GPC6: variants seen among roughly 807,000 people sequenced by gnomAD.
The protein encoded by GPC6 is glypican 6.
GPC6 carries 14 observed loss-of-function variants against 55.2 expected under a neutral mutation model. That is an observed-to-expected ratio of 0.25 (90% CI 0.17 to 0.40). GPC6 has a LOEUF of 0.40. GPC6 is among the 10% of genes least tolerant of loss of function. The pLI, the probability that GPC6 is intolerant of heterozygous loss-of-function variation, is 1.00. For synonymous variants in GPC6, 278 were observed against 259.6 expected (o/e 1.07, Z -0.68); for missense variants, 641 against 708.5 (o/e 0.90, Z 1.08).
intron 1 of GPC6, among the ~76,000 whole-genome samples, chr13:93,364,453 C>T (rs1035212790): frequency 6.6e-6 from 1 of 151,924 alleles, no homozygotes; most frequent in Non-Finnish European, 1.5e-5. Context: ...CATGAAGGAA[C>T]TGTCATGTGA....
intron 1 of GPC6, among the ~76,000 whole-genome samples, chr13:93,438,765 G>A (rs1372275083): frequency 6.6e-6 from 1 of 152,192 alleles, no homozygotes; most frequent in Non-Finnish European, 1.5e-5. Flanking sequence ...CAGCAGCAGG[G>A]TCTGAGAAGA....
At chr13:94,263,757 C>T (rs1594109405) in intron 4 of GPC6, among the ~76,000 whole-genome samples, 1 of 152,152 alleles carries the variant, frequency 6.6e-6, no homozygotes, top group South Asian at 2.1e-4. Context: ...AGTCAGTGTT[C>T]TAGGAAGTAT....
At chr13:94,193,302 A>G (rs1240103822) in intron 4 of GPC6, among the ~76,000 whole-genome samples, 1 of 152,060 alleles carries the variant, frequency 6.6e-6, no homozygotes, top group African/African-American at 2.4e-5. Context: ...GTCCAAAGTG[A>G]ATGTTACTTA....
chr13:93,670,985 G>T lies in GPC6; in HGVS notation c.319+125564G>T, dbSNP rs182810388. Among the ~76,000 whole-genome samples the T allele has an allele frequency of 2.6e-5, 4 of 152,200 alleles. No homozygotes were observed. The East Asian group carries it at 5.8e-4, about 22-fold the overall frequency. On this transcript the variant is annotated intron_variant, in intron 2 of 8. Coordinates refer to ENST00000377047, the MANE Select transcript of GPC6 (RefSeq NM_005708.5). Reference sequence around the variant, plus strand: ...GCCTTGGCTTCTTCCTTTTGGTCTTGCTCCCTTTCCATTCATTTTCACACT... The same window carrying T: ...GCCTTGGCTTCTTCCTTTTGGTCTTTCTCCCTTTCCATTCATTTTCACACT...
chr13:94,130,107 T>A (rs527732971), intron 4 of GPC6, among the ~76,000 whole-genome samples: 36 of 152,308 alleles, frequency 2.4e-4, no homozygotes, highest in African/African-American at 8.7e-4. Flanking sequence ...ATGTTTAGGA[T>A]CTGTTGGACT....
chr13:94,119,364 A>AG (rs1259073397), intron 4 of GPC6, among the ~76,000 whole-genome samples: 1 of 151,932 alleles, frequency 6.6e-6, no homozygotes, highest in African/African-American at 2.4e-5. Flanking sequence ...AAGGAGGGGT[A>AG]GGGGATGTTT....
At chr13:93,788,575 T>C (rs1225470833) in intron 2 of GPC6, among the ~76,000 whole-genome samples, 1 of 151,424 alleles carries the variant, frequency 6.6e-6, no homozygotes, top group Non-Finnish European at 1.5e-5. Context: ...TCTTTTATCC[T>C]TCAGATTGCT....
intron 3 of GPC6, among the ~76,000 whole-genome samples, chr13:93,956,101 C>G (rs1321490476): frequency 2.0e-5 from 3 of 152,034 alleles, no homozygotes; most frequent in South Asian, 2.1e-4. Flanking sequence ...ATACAGCTCC[C>G]CTTTCACTGG....
chr13:94,058,394 A>G (rs968789444), intron 4 of GPC6, among the ~76,000 whole-genome samples: 5 of 152,128 alleles, frequency 3.3e-5, no homozygotes, highest in African/African-American at 1.2e-4. Context: ...TCATGCATTC[A>G]TTTATTCATT....
chr13:94,285,553 C>G (rs193057088), intron 4 of GPC6, among the ~76,000 whole-genome samples: 1 of 152,260 alleles, frequency 6.6e-6, no homozygotes, highest in African/African-American at 2.4e-5. Context: ...GATTTCAACC[C>G]CATAACTTTA....
At chr13:93,607,113 AATT>A (rs1159431066) in intron 2 of GPC6, among the ~76,000 whole-genome samples, 2 of 152,176 alleles carry the variant, frequency 1.3e-5, no homozygotes, top group African/African-American at 2.4e-5. Context: ...AATCTGGCTT[AATT>A]ATTAAGCCAT....
chr13:93,989,098 A>G (rs112865111), intron 3 of GPC6, among the ~76,000 whole-genome samples: 1,567 of 152,284 alleles, frequency 0.01, 14 homozygotes, highest in Middle Eastern at 0.024. Flanking sequence ...GTGTAATCCA[A>G]TGCTGGATAT....
At chr13:94,257,516 A>G (rs1319533022) in intron 4 of GPC6, among the ~76,000 whole-genome samples, 2 of 152,136 alleles carry the variant, frequency 1.3e-5, no homozygotes, top group African/African-American at 4.8e-5. Context: ...TCTCTTAGAA[A>G]TAATTAGAAT....
chr13:93,449,023 G>A (rs1878113373), intron 1 of GPC6, among the ~76,000 whole-genome samples: 1 of 152,218 alleles, frequency 6.6e-6, no homozygotes. Context: ...GTAGCTAAGG[G>A]CACTGTACTG....
chr13:93,484,941 T>C (rs1594203297), intron 1 of GPC6, among the ~76,000 whole-genome samples: 1 of 152,122 alleles, frequency 6.6e-6, no homozygotes, highest in Admixed American at 6.6e-5. Context: ...AATAAATACA[T>C]TAAAATATAC....
intron 3 of GPC6, among the ~76,000 whole-genome samples, chr13:93,942,734 G>A (rs1291949392): frequency 6.6e-6 from 1 of 152,176 alleles, no homozygotes; most frequent in African/African-American, 2.4e-5. Context: ...ACAGGGAGGG[G>A]TACGAGTGCC....
At chr13:93,676,264 A>C (rs1223332833) in intron 2 of GPC6, among the ~76,000 whole-genome samples, 2 of 150,710 alleles carry the variant, frequency 1.3e-5, no homozygotes, top group East Asian at 2.0e-4. Flanking sequence ...TATACACACA[A>C]AAGTCAGCCA....
intron 1 of GPC6, among the ~76,000 whole-genome samples, chr13:93,464,704 A>T (rs1878843297): frequency 6.6e-6 from 1 of 152,198 alleles, no homozygotes; most frequent in South Asian, 2.1e-4. Flanking sequence ...TCTTCCAAAC[A>T]ACTGTTAATG....
chr13:94,130,226 C>T (rs1056788356), intron 4 of GPC6, among the ~76,000 whole-genome samples: 1 of 151,982 alleles, frequency 6.6e-6, no homozygotes, highest in Non-Finnish European at 1.5e-5. Context: ...ATTTTACTAT[C>T]CAAATTAACT....
Sources: allele counts gnomAD v4.1 joint callset (sites outside exome capture counted in the v4.1 genomes callset), GRCh38; gene constraint gnomAD v4.1.1; transcripts MANE v1.5; gene names NCBI Gene and HGNC (gene_info 2026-07-23, HGNC 2026-07-21).